ATRNL1: variants seen among roughly 807,000 people sequenced by gnomAD.
ATRNL1 encodes attractin like 1, also known as attractin-like protein 1.
Under a neutral mutation model 182.7 loss-of-function variants are expected in ATRNL1, and 95 were observed. That is an observed-to-expected ratio of 0.52 (90% CI 0.44 to 0.62). The LOEUF (loss-of-function observed/expected upper bound fraction) is 0.62, where lower values mean the gene tolerates loss of function less well. Ranked by LOEUF, ATRNL1 falls within the 20% of genes least tolerant of loss-of-function variation. ATRNL1 has a pLI of 0.00. For missense variants in ATRNL1, 1,471 were observed against 1,679.5 expected (o/e 0.88, Z 2.17); for synonymous variants, 576 against 568.3 (o/e 1.01, Z -0.19).
At chr10:115,497,401 C>G (rs1849602518) in intron 24 of ATRNL1, among the ~76,000 whole-genome samples, 1 of 152,172 alleles carries the variant, frequency 6.6e-6, no homozygotes, top group South Asian at 2.1e-4. Context: ...TGGGGACTAT[C>G]ACTCACTTAT....
At chr10:115,517,591 A>G (rs1850705370) in intron 24 of ATRNL1, among the ~76,000 whole-genome samples, 1 of 151,306 alleles carries the variant, frequency 6.6e-6, no homozygotes, top group African/African-American at 2.4e-5. Flanking sequence ...CTCTTTTTTT[A>G]TATATTTGCT....
rs190390271 is a variant in ATRNL1, at chr10:115,692,769, T to C, written c.3796-34479T>C. On this transcript the variant is annotated intron_variant, in intron 26 of 28. Transcript: ENST00000355044. ...TCCAATATAAATAATATGTAGAAAATAGTTATAAAAAACAAGTTGTAGTTG... is the reference window on the plus strand; with the variant it reads ...TCCAATATAAATAATATGTAGAAAACAGTTATAAAAAACAAGTTGTAGTTG... 3.1e-3 allele frequency among the ~76,000 whole-genome samples: 478 copies of C among 152,086 alleles called. 1 individual carries two copies. The highest frequency in any genetic ancestry group is 4.9e-3 in the Non-Finnish European group (332 of 67,940).
chr10:115,106,317 CTA>C (rs1371940648), intron 1 of ATRNL1, among the ~76,000 whole-genome samples: 2 of 152,170 alleles, frequency 1.3e-5, no homozygotes, highest in African/African-American at 4.8e-5. Context: ...CCCATTGTAT[CTA>C]GGAAGTAACT....
intron 1 of ATRNL1, chr10:115,096,893 G>C: frequency 1.2e-6 from 1 of 845,114 alleles, no homozygotes; most frequent in Non-Finnish European, 1.5e-6. Context: ...AAGGACTTGG[G>C]ATTGAGAATA....
At chr10:115,791,422 C>T (rs1010307157) in intron 27 of ATRNL1, among the ~76,000 whole-genome samples, 9 of 152,118 alleles carry the variant, frequency 5.9e-5, no homozygotes, top group African/African-American at 1.9e-4. Context: ...TGTCTAATCA[C>T]CACCCAGGTT....
intron 20 of ATRNL1, among the ~76,000 whole-genome samples, chr10:115,418,502 G>A (rs1354801285): frequency 6.6e-6 from 1 of 151,976 alleles, no homozygotes; most frequent in Non-Finnish European, 1.5e-5. Flanking sequence ...AATTCAAGAA[G>A]GAGTTGAGAG....
chr10:115,936,812 T>G (rs930818739), intron 28 of ATRNL1, among the ~76,000 whole-genome samples: 1 of 152,044 alleles, frequency 6.6e-6, no homozygotes, highest in Non-Finnish European at 1.5e-5. Context: ...TTGTTGGGGG[T>G]TTTTTTAATT....
Position 115,917,529 on chromosome 10 carries a change from A to ATGT in ATRNL1, c.4019-27128_4019-27126dup, listed in dbSNP as rs541697403. 5.2e-3 allele frequency among the ~76,000 whole-genome samples: 780 copies of ATGT among 151,270 alleles called. 9 individuals are homozygous for ATGT. The highest frequency in any genetic ancestry group is 8.5e-3 in the Non-Finnish European group (579 of 67,884). Reference sequence around the variant, plus strand: ...ATGATATTCACCTTTTAGAGTGATCATGTGGACTACATTAGACAAAGCGAG... The same window carrying ATGT: ...ATGATATTCACCTTTTAGAGTGATCATGTTGTGGACTACATTAGACAAAGCGAG... On this transcript the variant is annotated intron_variant, in intron 28 of 28. Coordinates refer to ENST00000355044, the MANE Select transcript of ATRNL1 (RefSeq NM_207303.4).
chr10:115,369,525 G>A (rs1234800409), intron 19 of ATRNL1, among the ~76,000 whole-genome samples: 6 of 152,200 alleles, frequency 3.9e-5, no homozygotes, highest in African/African-American at 1.4e-4. Flanking sequence ...TACTGCTGCA[G>A]TAAACATGGG....
chr10:115,233,462 T>C (rs1367887118), intron 9 of ATRNL1, among the ~76,000 whole-genome samples: 1 of 152,182 alleles, frequency 6.6e-6, no homozygotes, highest in Non-Finnish European at 1.5e-5. Context: ...TTGATCAGAT[T>C]ATATACAAAT....
chr10:115,864,554 C>T (rs902718370), intron 28 of ATRNL1, among the ~76,000 whole-genome samples: 3 of 152,198 alleles, frequency 2.0e-5, no homozygotes, highest in Non-Finnish European at 4.4e-5. Flanking sequence ...GCAGACATGA[C>T]TTATCCAAAT....
intron 8 of ATRNL1, among the ~76,000 whole-genome samples, chr10:115,211,946 C>T (rs1849042847): frequency 6.6e-6 from 1 of 151,704 alleles, no homozygotes; most frequent in Non-Finnish European, 1.5e-5. Context: ...GTCTCTGAGA[C>T]TCTGTTCACT....
chr10:115,291,671 T>C (rs1356524864), intron 15 of ATRNL1, among the ~76,000 whole-genome samples: 2 of 152,144 alleles, frequency 1.3e-5, no homozygotes, highest in Non-Finnish European at 2.9e-5. Flanking sequence ...TATTAATTTA[T>C]GTAGGTTGAA....
At chr10:115,939,945 C>T (rs1030244330) in intron 28 of ATRNL1, among the ~76,000 whole-genome samples, 1 of 152,152 alleles carries the variant, frequency 6.6e-6, no homozygotes, top group African/African-American at 2.4e-5. Context: ...TTGATACATA[C>T]CTTTTTTAAA....
At chr10:115,328,561 A>G (rs959870662) in intron 18 of ATRNL1, among the ~76,000 whole-genome samples, 6 of 152,074 alleles carry the variant, frequency 3.9e-5, no homozygotes, top group Non-Finnish European at 7.4e-5. Context: ...TGCATTAACC[A>G]ACATGTCCCT....
chr10:115,196,053 C>G (rs1848347336), intron 8 of ATRNL1, among the ~76,000 whole-genome samples: 1 of 152,134 alleles, frequency 6.6e-6, no homozygotes, highest in African/African-American at 2.4e-5. Flanking sequence ...CCCAGATGCT[C>G]AGGAGCCTGA....
chr10:115,487,254 G>A (rs1849070873), intron 24 of ATRNL1, among the ~76,000 whole-genome samples: 1 of 151,344 alleles, frequency 6.6e-6, no homozygotes, highest in Non-Finnish European at 1.5e-5. Context: ...ATTTAAAGTA[G>A]TTTTTTTTTC....
chr10:115,451,910 C>T (rs868931999), intron 21 of ATRNL1, among the ~76,000 whole-genome samples: 1 of 152,114 alleles, frequency 6.6e-6, no homozygotes, highest in Non-Finnish European at 1.5e-5. Flanking sequence ...TATGCATAAA[C>T]CATGGAATAC....
At chr10:115,913,148 T>C (rs1303006337) in intron 28 of ATRNL1, among the ~76,000 whole-genome samples, 1 of 152,138 alleles carries the variant, frequency 6.6e-6, no homozygotes, top group African/African-American at 2.4e-5. Flanking sequence ...TAAATTGCAG[T>C]ATGTGTCTAA....
Sources: allele counts gnomAD v4.1 joint callset (sites outside exome capture counted in the v4.1 genomes callset), GRCh38; gene constraint gnomAD v4.1.1; transcripts MANE v1.5; gene names NCBI Gene and HGNC (gene_info 2026-07-23, HGNC 2026-07-21).